Variants in DOCK8 observed in about 807,000 individuals in gnomAD.
The protein encoded by DOCK8 is dedicator of cytokinesis 8, also known as dedicator of cytokinesis protein 8.
In DOCK8, 141 loss-of-function variants were observed where a neutral mutation model predicts 245.6. The ratio of observed to expected loss-of-function variants is 0.57; its 90% CI spans 0.50 to 0.66. The LOEUF (loss-of-function observed/expected upper bound fraction) is 0.66, where lower values mean the gene tolerates loss of function less well. Among genes scored for constraint, DOCK8 ranks in the 30% least tolerant of loss-of-function variants. The pLI, the probability that DOCK8 is intolerant of heterozygous loss-of-function variation, is 0.00. For missense variants in DOCK8, 2,965 were observed against 2,603.4 expected, an observed-to-expected ratio of 1.14 and a Z score of -3.02; for synonymous variants, 1,168 against 970.2, an observed-to-expected ratio of 1.20 and a Z score of -3.79.
At chr9:402,088 G>A (rs1221921752) in intron 26 of DOCK8, among the ~76,000 whole-genome samples, 1 of 152,186 alleles carries the variant, frequency 6.6e-6, no homozygotes, top group Non-Finnish European at 1.5e-5. Context: ...GATCACCACT[G>A]CAGACCCAGG....
chr9:278,715 A>G (rs1197937170), intron 2 of DOCK8, among the ~76,000 whole-genome samples: 1 of 152,252 alleles, frequency 6.6e-6, no homozygotes, highest in East Asian at 1.9e-4. Context: ...CAGTACGTGC[A>G]AAGTCCCCAA....
At chr9:254,632 T>C (rs2047726356) in intron 1 of DOCK8, among the ~76,000 whole-genome samples, 1 of 152,208 alleles carries the variant, frequency 6.6e-6, no homozygotes, top group African/African-American at 2.4e-5. Flanking sequence ...GCATTATGGA[T>C]AAATCATTTC....
intron 26 of DOCK8, among the ~76,000 whole-genome samples, chr9:401,001 C>CCTCCACCACCACCAG (rs1564017232): frequency 7.0e-6 from 1 of 143,128 alleles, no homozygotes; most frequent in East Asian, 2.2e-4. Context: ...ACCACCACCA[C>CCTCCACCACCACCAG]CATTAGCTCC....
At chr9:463,792 C>T (rs1564098277) in intron 47 of DOCK8, 105 bp downstream of exon 47, 16 of 1,369,562 alleles carry the variant, frequency 1.2e-5, no homozygotes, top group Admixed American at 5.7e-5. Context: ...TGCAGAACCT[C>T]GAAAGGGTGG....
intron 16 of DOCK8, 49 bp downstream of exon 16, chr9:370,349 C>T (rs1411837973): frequency 6.4e-7 from 1 of 1,567,318 alleles, no homozygotes; most frequent in Non-Finnish European, 8.8e-7. Context: ...GTTTCATCAT[C>T]TCCTGGTTTT....
intron 15 of DOCK8, 27 bp downstream of exon 15, chr9:368,162 C>T (rs907944715): frequency 1.3e-6 from 2 of 1,590,170 alleles, no homozygotes; most frequent in Non-Finnish European, 1.7e-6. Flanking sequence ...ACATTTGCCT[C>T]AAATCAGGGT....
chr9:451,083 T>C (rs1224116717), intron 45 of DOCK8, among the ~76,000 whole-genome samples: 2 of 151,862 alleles, frequency 1.3e-5, no homozygotes, highest in Non-Finnish European at 2.9e-5. Flanking sequence ...GAGGCCGAGG[T>C]GGGTGAATCA....
intron 25 of DOCK8, among the ~76,000 whole-genome samples, chr9:398,610 G>A (rs1023627679): frequency 1.3e-5 from 2 of 152,128 alleles, no homozygotes; most frequent in Non-Finnish European, 2.9e-5. Flanking sequence ...TTACCCTACG[G>A]AGTGAATACA....
chr9:214,146 A>C (rs1357242254), upstream of DOCK8: 1 of 278,000 alleles, frequency 3.6e-6, no homozygotes, highest in African/African-American at 2.3e-5. Flanking sequence ...GGGCTCCTCC[A>C]CTCCCGTCAA....
chr9:263,129 C>A (rs1171091934), intron 1 of DOCK8, among the ~76,000 whole-genome samples: 1 of 151,892 alleles, frequency 6.6e-6, no homozygotes, highest in Admixed American at 6.6e-5. Context: ...ATCGCTTAAA[C>A]TGGGGAGGCA....
intron 14 of DOCK8, among the ~76,000 whole-genome samples, chr9:354,869 T>C (rs1248137753): frequency 1.3e-5 from 2 of 152,184 alleles, no homozygotes; most frequent in Non-Finnish European, 2.9e-5. Context: ...CACAGCCTAA[T>C]CTCAAGAGCA....
At chr9:432,584 T>C (rs1234067462) in intron 37 of DOCK8, among the ~76,000 whole-genome samples, 1 of 152,042 alleles carries the variant, frequency 6.6e-6, no homozygotes, top group Non-Finnish European at 1.5e-5. Context: ...ACAAGACAAG[T>C]GATACATAAG....
intron 4 of DOCK8, among the ~76,000 whole-genome samples, chr9:293,258 A>G (rs1261809948): frequency 2.6e-5 from 4 of 152,120 alleles, no homozygotes; most frequent in African/African-American, 7.2e-5. Context: ...TGCCCATGAA[A>G]ACTAAAATTC....
chr9:445,884 C>T (rs1372786787), intron 43 of DOCK8, among the ~76,000 whole-genome samples: 3 of 152,218 alleles, frequency 2.0e-5, no homozygotes, highest in Admixed American at 2.0e-4. Flanking sequence ...AGACCGCCAG[C>T]TTCTTCTGCA....
chr9:333,427 C>T (rs1043444621), intron 10 of DOCK8, among the ~76,000 whole-genome samples: 1 of 152,062 alleles, frequency 6.6e-6, no homozygotes, highest in Non-Finnish European at 1.5e-5. Flanking sequence ...CGGTGAAACC[C>T]CGTCTCTGCT....
At chr9:332,371 T>G in intron 9 of DOCK8, 27 bp from the exon 10 acceptor site, 1 of 1,523,264 alleles carries the variant, frequency 6.6e-7, no homozygotes. Context: ...TTTATGTGCC[T>G]TATTTTAATA....
chr9:445,389 C>T (rs377381992), intron 43 of DOCK8, among the ~76,000 whole-genome samples: 18 of 152,142 alleles, frequency 1.2e-4, no homozygotes, highest in African/African-American at 4.1e-4. Flanking sequence ...GGTGAGTGTC[C>T]CAGCATCTGA....
chr9:442,122 A>G (rs142943236), intron 42 of DOCK8, 113 bp downstream of exon 42: 2 of 1,465,476 alleles, frequency 1.4e-6, no homozygotes, highest in African/African-American at 2.8e-5. Context: ...ATTGATCTCT[A>G]CATAAAGTTT....
chr9:336,815 A>T, intron 12 of DOCK8, 97 bp downstream of exon 12: 1 of 1,442,784 alleles, frequency 6.9e-7, no homozygotes, highest in Non-Finnish European at 9.7e-7. Flanking sequence ...AAGAGAGCAA[A>T]TTAGTTAAGC....
Sources: gnomAD v4.1 joint callset for allele counts (sites outside exome capture counted in the v4.1 genomes callset) on GRCh38, gnomAD v4.1.1 for gene constraint, MANE v1.5 for transcripts, NCBI Gene and HGNC (gene_info 2026-07-23, HGNC 2026-07-21) for gene names.